The following ATXN2 variants were observed in gnomAD, a reference collection of about 807,000 sequenced individuals.
ATXN2 encodes the protein ataxin-2.
A neutral mutation model predicts 138.6 loss-of-function variants in ATXN2; 37 were observed. The ratio of observed to expected loss-of-function variants is 0.27; its 90% CI spans 0.21 to 0.35. The LOEUF (loss-of-function observed/expected upper bound fraction) is 0.35. Ranked by LOEUF, ATXN2 falls within the 10% of genes least tolerant of loss-of-function variation. ATXN2 has a pLI of 1.00. For synonymous variants in ATXN2, 549 were observed against 543.7 expected (o/e 1.01, Z -0.13); for missense variants, 1,216 against 1,480.3 (o/e 0.82, Z 2.93).
At chr12:111,585,100 T>C (rs1884250872) in intron 1 of ATXN2, among the ~76,000 whole-genome samples, 1 of 152,188 alleles carries the variant, frequency 6.6e-6, no homozygotes, top group Non-Finnish European at 1.5e-5. Flanking sequence ...CTTTGGGAGA[T>C]ATAAAAAATC....
At chr12:111,581,556 G>T (rs1884005599) in intron 1 of ATXN2, 1 of 952,050 alleles carries the variant, frequency 1.1e-6, no homozygotes, top group African/African-American at 1.6e-5. Context: ...CATGTCGTCT[G>T]GTCCCTGTTC....
At chr12:111,580,124 C>A (rs1883912710) in intron 1 of ATXN2, among the ~76,000 whole-genome samples, 1 of 152,016 alleles carries the variant, frequency 6.6e-6, no homozygotes, top group African/African-American at 2.4e-5. Context: ...ATTTTGTGAA[C>A]TGCTGACCAA....
intron 6 of ATXN2, among the ~76,000 whole-genome samples, chr12:111,522,299 C>A (rs1049907482): frequency 4.6e-5 from 7 of 151,700 alleles, no homozygotes; most frequent in Admixed American, 2.0e-4. Flanking sequence ...CCAATCCCAG[C>A]GTGCATAAAT....
At chr12:111,569,934 A>T (rs1252886608) in intron 1 of ATXN2, among the ~76,000 whole-genome samples, 2 of 152,146 alleles carry the variant, frequency 1.3e-5, no homozygotes, top group African/African-American at 4.8e-5. Context: ...TACAATGATG[A>T]AGATGTCCTA....
At chr12:111,485,227 TGCAAACTACAA>T in intron 18 of ATXN2, 27 bp downstream of exon 18, 1 of 1,568,868 alleles carries the variant, frequency 6.4e-7, no homozygotes, top group Non-Finnish European at 8.7e-7. Flanking sequence ...TCATGCAGCA[TGCAAACTACAA>T]GCAAACACAG....
intron 14 of ATXN2, among the ~76,000 whole-genome samples, chr12:111,495,327 A>C (rs1249614343): frequency 2.0e-5 from 3 of 151,314 alleles, no homozygotes; most frequent in Non-Finnish European, 2.9e-5. Flanking sequence ...AAAAAAAAAA[A>C]CCAAAGATCC....
rs1885031691 is a variant in ATXN2, at chr12:111,598,132, C to T, written c.251+652G>A. ...AGGGGAGTTCGGGAGCCCCCGCCGCCGCCTCGGACACGAACGCAGAGGGGT... is the reference window on the plus strand; with the variant it reads ...AGGGGAGTTCGGGAGCCCCCGCCGCTGCCTCGGACACGAACGCAGAGGGGT... On this transcript the variant is annotated intron_variant, in intron 1 of 24. Coordinates refer to ENST00000673436, the MANE Select transcript of ATXN2 (RefSeq NM_001372574.1). This position sits in a 1 kb window ranked among gnomAD's most constrained non-coding sequence, Gnocchi z 4.5. 8.1e-6 allele frequency: 9 copies of T among 1,109,640 alleles called. No homozygotes were observed. The highest frequency in any genetic ancestry group is 2.2e-5 in the South Asian group (1 of 45,468). 68.7% of individuals were successfully genotyped at this position (1,109,640 alleles called of 1,614,324 possible).
chr12:111,584,791 C>T (rs1409059649), intron 1 of ATXN2, among the ~76,000 whole-genome samples: 2 of 151,658 alleles, frequency 1.3e-5, no homozygotes, highest in African/African-American at 4.8e-5. Flanking sequence ...CATGGAGAAA[C>T]CCCATCTCTA....
chr12:111,511,957 T>G (rs1349029937), intron 11 of ATXN2: 3 of 152,206 alleles, frequency 2.0e-5, no homozygotes, highest in African/African-American at 7.2e-5. Context: ...TTCCTTAAGC[T>G]TGAAGATCTT....
intron 1 of ATXN2, among the ~76,000 whole-genome samples, chr12:111,558,878 A>G (rs1441732227): frequency 6.6e-6 from 1 of 151,874 alleles, no homozygotes; most frequent in Non-Finnish European, 1.5e-5. Flanking sequence ...GTATGAGCTG[A>G]TAACTATTAA....
intron 1 of ATXN2, among the ~76,000 whole-genome samples, chr12:111,566,245 C>T (rs1882997702): frequency 1.3e-5 from 2 of 151,764 alleles, no homozygotes; most frequent in African/African-American, 2.4e-5. Flanking sequence ...CCAGCCTGAC[C>T]AACATGGAGA....
At chr12:111,541,341 T>A (rs1881492080) in intron 5 of ATXN2, among the ~76,000 whole-genome samples, 1 of 126,128 alleles carries the variant, frequency 7.9e-6, no homozygotes, top group African/African-American at 2.8e-5. Flanking sequence ...GTGACAGTTA[T>A]AATTCTTTTT....
intron 6 of ATXN2, among the ~76,000 whole-genome samples, chr12:111,521,933 T>C (rs1323313599): frequency 1.3e-5 from 2 of 152,136 alleles, no homozygotes; most frequent in African/African-American, 4.8e-5. Context: ...GGATAATTAT[T>C]CTCTAATGTT....
intron 14 of ATXN2, among the ~76,000 whole-genome samples, chr12:111,504,517 T>C (rs1294652463): frequency 6.6e-6 from 1 of 152,188 alleles, no homozygotes; most frequent in Non-Finnish European, 1.5e-5. Context: ...TTCGAACTCC[T>C]GACCTCATGT....
At chr12:111,595,653 A>G (rs932110073) in intron 1 of ATXN2, among the ~76,000 whole-genome samples, 18 of 152,066 alleles carry the variant, frequency 1.2e-4, no homozygotes, top group African/African-American at 4.3e-4. Flanking sequence ...AAAAAAAAAA[A>G]AAAATTTACA....
At chr12:111,528,247 C>T (rs1185965563) in intron 5 of ATXN2, among the ~76,000 whole-genome samples, 2 of 152,066 alleles carry the variant, frequency 1.3e-5, no homozygotes, top group African/African-American at 2.4e-5. Context: ...ACCATATAAA[C>T]GGATTTTTTT....
chr12:111,540,916 C>A (rs550982706), intron 5 of ATXN2, among the ~76,000 whole-genome samples: 2 of 150,166 alleles, frequency 1.3e-5, no homozygotes, highest in East Asian at 3.9e-4. Flanking sequence ...AGGTTGGTCT[C>A]AAACTCCTGA....
At chr12:111,588,714 G>A (rs1462701746) in intron 1 of ATXN2, among the ~76,000 whole-genome samples, 9 of 151,822 alleles carry the variant, frequency 5.9e-5, no homozygotes, top group Non-Finnish European at 8.8e-5. Flanking sequence ...AAACCAGGCC[G>A]GACGCGGTGG....
intron 5 of ATXN2, among the ~76,000 whole-genome samples, chr12:111,545,091 G>A (rs894011797): frequency 4.6e-5 from 7 of 152,000 alleles, no homozygotes; most frequent in South Asian, 2.1e-4. Context: ...CCCGGGAGGC[G>A]GAGCTTGCAG....
Sources: allele counts gnomAD v4.1 joint callset (sites outside exome capture counted in the v4.1 genomes callset), GRCh38; gene constraint gnomAD v4.1.1; non-coding constraint Gnocchi (gnomAD v3.1); transcripts MANE v1.5; gene names NCBI Gene and HGNC (gene_info 2026-07-23, HGNC 2026-07-21).